DYNC2I1: variants seen among roughly 807,000 people sequenced by gnomAD.
DYNC2I1 encodes the protein cytoplasmic dynein 2 intermediate chain 1.
A neutral mutation model predicts 133.4 loss-of-function variants in DYNC2I1; 89 were observed. The observed-to-expected ratio is 0.67, with a 90% confidence interval of 0.56 to 0.80. The LOEUF (loss-of-function observed/expected upper bound fraction) is 0.80. Among genes scored for constraint, DYNC2I1 ranks in the 30% least tolerant of loss-of-function variants. The pLI, the probability that DYNC2I1 is intolerant of heterozygous loss-of-function variation, is 0.00. For synonymous variants in DYNC2I1, 504 were observed against 484.3 expected (o/e 1.04, Z -0.54); for missense variants, 1,291 against 1,314.5 (o/e 0.98, Z 0.28).
In DYNC2I1 at chr7:158,945,801, C is replaced by G. The variant is rs558445392; in HGVS notation, c.*22C>G. On this transcript the variant is annotated 3_prime_UTR_variant, in exon 25 of 25. Transcript: ENST00000407559. The surrounding 1 kb of genome is among the most constrained non-coding windows in gnomAD (Gnocchi z 4.1). ...GTAGCGGGTGTGGCTGAGAGGACCG[C>G]GTTTCTGTAATGACCCAGATTTAAA... The G allele has an allele frequency of 2.1e-5, 32 of 1,502,208 alleles. No individual in the cohort carries two copies. Among genetic ancestry groups the G allele is most frequent in the Non-Finnish European group, 2.8e-5 (31 of 1,126,888 alleles). 93.1% of individuals were successfully genotyped at this position (1,502,208 alleles called of 1,614,324 possible). A position where few individuals can be genotyped will look rare whatever the true frequency, so the allele number is the denominator to read the frequency against.
At chr7:158,849,762 C>T in the DYNC2I1 span, among the ~76,000 whole-genome samples, 3 of 152,214 alleles carry the variant, frequency 2.0e-5, no homozygotes, top group Admixed American at 6.5e-5. Flanking sequence ...AGAGAGGGTA[C>T]TCCTCTTTCT....
chr7:158,912,814 T>G (rs888396544), intron 12 of DYNC2I1, among the ~76,000 whole-genome samples, 171 bp from the exon 13 acceptor site: 1 of 152,222 alleles, frequency 6.6e-6, no homozygotes, highest in Non-Finnish European at 1.5e-5. Flanking sequence ...TTTTGAAAAT[T>G]AGACCTGTAT....
rs113690494 is a variant in DYNC2I1, at chr7:158,936,645, C to T, written c.2778+2096C>T. Among the ~76,000 whole-genome samples, 977 of 152,348 alleles carry T rather than the reference C, an allele frequency of 6.4e-3. 8 individuals are homozygous for T. The highest frequency in any genetic ancestry group is 0.022 in the African/African-American group (933 of 41,576). ...AGCTGGGAGGCAGGACTACTGTCTG[C>T]AGCCCTGAAAATTCTGCACCTCAGC... is the stretch of plus-strand genomic sequence containing the variant. On this transcript the variant is annotated intron_variant, in intron 23 of 24. Transcript: ENST00000407559.
At chr7:158,914,134 TA>T in intron 13 of DYNC2I1, 98 bp from the exon 14 acceptor site, 1 of 919,160 alleles carries the variant, frequency 1.1e-6, no homozygotes, top group Non-Finnish European at 1.6e-6. Flanking sequence ...CTGGGACTCT[TA>T]ATGTTGATTT....
chr7:158,936,810 TCAATCACTA>T (rs1487151264), intron 23 of DYNC2I1, among the ~76,000 whole-genome samples: 1 of 152,194 alleles, frequency 6.6e-6, no homozygotes, highest in Non-Finnish European at 1.5e-5. Context: ...CAGGCCTCCC[TCAATCACTA>T]AATACAGCCA....
chr7:158,901,688 T>A, intron 8 of DYNC2I1, 51 bp from the exon 9 acceptor site: 1 of 1,204,608 alleles, frequency 8.3e-7, no homozygotes, highest in Non-Finnish European at 1.2e-6. Context: ...ATTTGCAATA[T>A]TCAATTTTAT....
At chr7:158,868,451 C>G (rs1842601127) in intron 1 of DYNC2I1, among the ~76,000 whole-genome samples, 3 of 152,212 alleles carry the variant, frequency 2.0e-5, no homozygotes, top group South Asian at 2.1e-4. Flanking sequence ...GGTGGATTAT[C>G]CAACGAGGAA....
At chr7:158,910,612 C>T (rs1220225850) in intron 11 of DYNC2I1, among the ~76,000 whole-genome samples, 1 of 115,992 alleles carries the variant, frequency 8.6e-6, no homozygotes, top group African/African-American at 3.4e-5. Flanking sequence ...GCCTGTGGGC[C>T]GAGGGCACTT....
chr7:158,945,922 C>A lies in DYNC2I1; in HGVS notation c.*143C>A. The A allele has an allele frequency of 2.5e-6, 2 of 789,114 alleles. No individual in the cohort carries two copies. Among genetic ancestry groups the A allele is most frequent in the Admixed American group, 3.8e-5 (1 of 26,552 alleles). 48.9% of individuals were successfully genotyped at this position (789,114 alleles called of 1,614,324 possible). On this transcript the variant is annotated 3_prime_UTR_variant, in exon 25 of 25. Coordinates refer to ENST00000407559, the MANE Select transcript of DYNC2I1 (RefSeq NM_018051.5). The surrounding 1 kb of genome is among the most constrained non-coding windows in gnomAD (Gnocchi z 4.1). ...TATAATTTATTTTACATGAATATGT[C>A]TTTGGTATTCCCAGTAAATAGATGA...
chr7:158,875,710 G>A (rs900998825), intron 3 of DYNC2I1, among the ~76,000 whole-genome samples: 1 of 152,116 alleles, frequency 6.6e-6, no homozygotes, highest in South Asian at 2.1e-4. Flanking sequence ...TGATTCAGGG[G>A]CCTCTGGCTT....
intron 4 of DYNC2I1, among the ~76,000 whole-genome samples, chr7:158,954,307 C>T (rs560273118): frequency 1.3e-5 from 2 of 152,158 alleles, no homozygotes; most frequent in African/African-American, 4.8e-5. Context: ...TATCATGCAT[C>T]AGATACTTAT....
intron 8 of DYNC2I1, among the ~76,000 whole-genome samples, chr7:158,898,397 A>G (rs920073451): frequency 7.9e-5 from 12 of 152,126 alleles, no homozygotes; most frequent in African/African-American, 2.9e-4. Flanking sequence ...TTAGTTTTTG[A>G]CTTAAATAAT....
chr7:158,926,881 T>G (rs1210476553), intron 19 of DYNC2I1, 111 bp from the exon 20 acceptor site: 7 of 752,078 alleles, frequency 9.3e-6, no homozygotes, highest in Non-Finnish European at 1.5e-5. Flanking sequence ...TCTGGAGCAG[T>G]TATGTTTTAG....
the DYNC2I1 span, among the ~76,000 whole-genome samples, chr7:158,850,538 T>C: frequency 2.6e-5 from 4 of 152,252 alleles, no homozygotes; most frequent in African/African-American, 9.6e-5. Flanking sequence ...TAGCCAGTGC[T>C]ATCAATTGTA....
chr7:158,883,358 C>G (rs949192386), intron 5 of DYNC2I1, among the ~76,000 whole-genome samples: 8 of 151,046 alleles, frequency 5.3e-5, no homozygotes, highest in Non-Finnish European at 1.0e-4. Flanking sequence ...GCTGGGATTA[C>G]AGGTGTGCAT....
intron 5 of DYNC2I1, among the ~76,000 whole-genome samples, chr7:158,880,902 A>T (rs1401305111): frequency 6.6e-6 from 1 of 152,084 alleles, no homozygotes; most frequent in Admixed American, 6.6e-5. Context: ...TGGAAGCAAA[A>T]TCTTTGCAAG....
At chr7:158,842,297 C>T in the DYNC2I1 span, among the ~76,000 whole-genome samples, 1 of 152,160 alleles carries the variant, frequency 6.6e-6, no homozygotes. Context: ...AAAGTGCTGG[C>T]ATTACAGGCA....
rs916573389 is a variant in DYNC2I1, at chr7:158,870,026, G to A, written c.69+118G>A. ...TGGTTATGTGTGCCTCATTTCAGAA[G>A]TACTTTGAACTCAGAGGTGAAGGTG... On this transcript the variant is annotated intron_variant, in intron 2 of 24. Coordinates refer to ENST00000407559, the MANE Select transcript of DYNC2I1 (RefSeq NM_018051.5). 8 of 842,614 alleles carry A rather than the reference G, an allele frequency of 9.5e-6. No individual in the cohort carries two copies. In the African/African-American group the frequency reaches 1.2e-4, roughly 13 times the overall value. 52.2% of individuals were successfully genotyped at this position (842,614 alleles called of 1,614,324 possible). A position where few individuals can be genotyped will look rare whatever the true frequency, so the allele number is the denominator to read the frequency against.
intron 14 of DYNC2I1, among the ~76,000 whole-genome samples, chr7:158,916,914 A>T (rs1427814589): frequency 1.2e-5 from 1 of 84,490 alleles, no homozygotes; most frequent in Non-Finnish European, 2.8e-5. Flanking sequence ...GGTGGTTGAG[A>T]TTAAGGATGA....
Sources: allele counts gnomAD v4.1 joint callset (sites outside exome capture counted in the v4.1 genomes callset), GRCh38; gene constraint gnomAD v4.1.1; non-coding constraint Gnocchi (gnomAD v3.1); transcripts MANE v1.5; gene names NCBI Gene and HGNC (gene_info 2026-07-23, HGNC 2026-07-21).